Variants in COG5 observed in about 807,000 individuals in gnomAD.
COG5 encodes the protein conserved oligomeric Golgi complex subunit 5.
A neutral mutation model predicts 110.4 loss-of-function variants in COG5; 86 were observed. That is an observed-to-expected ratio of 0.78 (90% CI 0.65 to 0.93). COG5 has a LOEUF of 0.93. Ranked by LOEUF, COG5 falls within the 40% of genes least tolerant of loss-of-function variation. The probability of loss-of-function intolerance (pLI) is 0.00; values close to 1 mark genes in which losing one functional copy is unlikely to be tolerated. For missense variants in COG5, 1,077 were observed against 987.0 expected, an observed-to-expected ratio of 1.09 and a Z score of -1.22; for synonymous variants, 360 against 334.6, an observed-to-expected ratio of 1.08 and a Z score of -0.83.
At position 107,398,285 on chromosome 7, in the gene COG5, G is replaced by A. The variant is rs1327546700; in HGVS notation, c.669+14217C>T. Among the ~76,000 whole-genome samples the A allele has an allele frequency of 2.6e-5, 4 of 152,266 alleles. No homozygotes were observed. The South Asian group carries it at 8.3e-4, about 32-fold the overall frequency. ...ATATTATTCATCAATGAAAAACAAT[G>A]GACTATTTATACATACAATCAGGAG... On this transcript the variant is annotated intron_variant, in intron 7 of 21. Transcript: ENST00000297135.
intron 3 of COG5, among the ~76,000 whole-genome samples, chr7:107,553,904 C>A (rs1803105485): frequency 6.6e-6 from 1 of 152,156 alleles, no homozygotes; most frequent in African/African-American, 2.4e-5. Flanking sequence ...AAGTATCTTG[C>A]TAATTCATTT....
intron 16 of COG5, among the ~76,000 whole-genome samples, chr7:107,254,554 A>G (rs1172703293): frequency 6.6e-6 from 1 of 152,154 alleles, no homozygotes; most frequent in African/African-American, 2.4e-5. Context: ...ATCGAGTTCG[A>G]AAAGGCAAAA....
intron 6 of COG5, among the ~76,000 whole-genome samples, chr7:107,486,799 T>C (rs532246320): frequency 4.9e-4 from 75 of 152,288 alleles, no homozygotes; most frequent in Non-Finnish European, 8.5e-4. Context: ...TAAGTAGTGT[T>C]GGAAAAGTAA....
intron 10 of COG5, among the ~76,000 whole-genome samples, chr7:107,329,449 T>C (rs905092259): frequency 1.4e-4 from 22 of 152,168 alleles, no homozygotes; most frequent in African/African-American, 5.1e-4. Context: ...TTTATACAGA[T>C]ATGTATATGC....
At chr7:107,379,077 C>A (rs1156520639) in intron 7 of COG5, among the ~76,000 whole-genome samples, 1 of 152,180 alleles carries the variant, frequency 6.6e-6, no homozygotes, top group Admixed American at 6.5e-5. Context: ...GATCTCTCTG[C>A]AGAAACCCTA....
intron 7 of COG5, among the ~76,000 whole-genome samples, chr7:107,374,406 A>T (rs1201056988): frequency 6.6e-6 from 1 of 152,088 alleles, no homozygotes; most frequent in East Asian, 1.9e-4. Context: ...GATATACTTT[A>T]AAACTATATT....
chr7:107,302,131 C>G (rs1807315793), intron 11 of COG5, among the ~76,000 whole-genome samples: 1 of 152,130 alleles, frequency 6.6e-6, no homozygotes, highest in South Asian at 2.1e-4. Context: ...TGGAAACAAT[C>G]CAATGTCCAT....
At chr7:107,437,832 C>T (rs1794459533) in intron 6 of COG5, among the ~76,000 whole-genome samples, 1 of 152,016 alleles carries the variant, frequency 6.6e-6, no homozygotes, top group Admixed American at 6.6e-5. Flanking sequence ...ATCCACTTTC[C>T]CCTTGATCAT....
At chr7:107,307,696 G>A (rs992661936) in intron 11 of COG5, among the ~76,000 whole-genome samples, 9 of 152,070 alleles carry the variant, frequency 5.9e-5, no homozygotes, top group African/African-American at 2.2e-4. Flanking sequence ...ACTTATAAGT[G>A]GGAGCTAAGC....
intron 5 of COG5, among the ~76,000 whole-genome samples, chr7:107,537,540 G>T (rs1023240281): frequency 1.3e-5 from 2 of 151,900 alleles, no homozygotes; most frequent in Non-Finnish European, 2.9e-5. Context: ...GCTGAACAAT[G>T]AATACATGGA....
At chr7:107,282,356 C>G (rs1322112759) in intron 13 of COG5, among the ~76,000 whole-genome samples, 1 of 152,084 alleles carries the variant, frequency 6.6e-6, no homozygotes, top group African/African-American at 2.4e-5. Flanking sequence ...TCCTCTTTAA[C>G]ATTTACATAA....
At position 107,442,624 on chromosome 7, in the gene COG5, G is replaced by T. The variant is rs1476710697; in HGVS notation, c.539-29992C>A. On this transcript the variant is annotated intron_variant, in intron 6 of 21. Coordinates refer to ENST00000297135, the MANE Select transcript of COG5 (RefSeq NM_006348.5). The stretch of plus-strand genomic sequence containing the variant: ...CTTCTGGAAATACAGTCTCATCTGA[G>T]GTTTAAATCAATTTCACCTAAAAAA... 6.3e-5 allele frequency among the ~76,000 whole-genome samples: 9 copies of T among 143,068 alleles called. No homozygotes were observed. In the Admixed American group the frequency reaches 6.4e-4, roughly 10 times the overall value. The allele number at this position is 143,068 out of a possible 152,430, so 93.9% of individuals were successfully genotyped here. A position where few individuals can be genotyped will look rare whatever the true frequency, so the allele number is the denominator to read the frequency against.
intron 7 of COG5, among the ~76,000 whole-genome samples, chr7:107,397,524 C>T (rs1054266409): frequency 6.6e-6 from 1 of 151,830 alleles, no homozygotes; most frequent in Non-Finnish European, 1.5e-5. Flanking sequence ...AATACATGGG[C>T]CCATAACAAT....
At chr7:107,297,443 CTTTT>C (rs71314693) in intron 12 of COG5, among the ~76,000 whole-genome samples, 16 of 77,986 alleles carry the variant, frequency 2.1e-4, no homozygotes, top group Admixed American at 8.4e-4. Context: ...TACATTCTGC[CTTTT>C]TTTTTTTTTT....
rs886061870 is a variant in COG5 at position 107,202,530 on chromosome 7, C to T, written c.*986G>A. ...GGAAAAAAAAGTTGCTTATCTCTGA[C>T]GTCTACTGATTGATTGATTGATTGA... On this transcript the variant is annotated 3_prime_UTR_variant, in exon 22 of 22. Transcript: ENST00000297135. 9.2e-5 allele frequency: 14 copies of T among 151,918 alleles called. No homozygotes were observed. The highest frequency in any genetic ancestry group is 2.1e-4 in the South Asian group (1 of 4,802). The allele number at this position is 151,918 out of a possible 1,614,324, so 9.4% of individuals were successfully genotyped here.
chr7:107,340,977 G>T (rs1811126877), intron 10 of COG5, among the ~76,000 whole-genome samples: 1 of 152,054 alleles, frequency 6.6e-6, no homozygotes, highest in Non-Finnish European at 1.5e-5. Flanking sequence ...ACAAGACAAG[G>T]ATGCCCACTC....
At chr7:107,557,438 G>C (rs976121010) in intron 2 of COG5, among the ~76,000 whole-genome samples, 8 of 152,066 alleles carry the variant, frequency 5.3e-5, no homozygotes, top group Non-Finnish European at 1.0e-4. Flanking sequence ...CAACCCATCT[G>C]ATAGATTAAA....
chr7:107,386,411 G>C (rs1390274042), intron 7 of COG5, among the ~76,000 whole-genome samples: 1 of 152,082 alleles, frequency 6.6e-6, no homozygotes, highest in Non-Finnish European at 1.5e-5. Context: ...CGTTGGGTCA[G>C]GGTCTGCCAG....
At chr7:107,230,589 T>A in intron 19 of COG5, 26 bp downstream of exon 19, 1 of 1,520,680 alleles carries the variant, frequency 6.6e-7, no homozygotes, top group Non-Finnish European at 9.1e-7. Flanking sequence ...AGGATATGAA[T>A]GTATGAACAA....
Sources: gnomAD v4.1 joint callset for allele counts (sites outside exome capture counted in the v4.1 genomes callset) on GRCh38, gnomAD v4.1.1 for gene constraint, MANE v1.5 for transcripts, NCBI Gene and HGNC (gene_info 2026-07-23, HGNC 2026-07-21) for gene names.